Variants in RBFOX3 observed in about 807,000 individuals in gnomAD.
The protein encoded by RBFOX3 is RNA binding protein fox-1 homolog 3.
Under a neutral mutation model 48.7 loss-of-function variants are expected in RBFOX3, and 17 were observed. That is an observed-to-expected ratio of 0.35 (90% CI 0.24 to 0.52). RBFOX3 has a LOEUF of 0.52. RBFOX3 is among the 20% of genes least tolerant of loss of function. The probability of loss-of-function intolerance (pLI) is 0.94; values close to 1 mark genes in which losing one functional copy is unlikely to be tolerated. For synonymous variants in RBFOX3, 212 were observed against 209.5 expected (o/e 1.01, Z -0.10); for missense variants, 382 against 497.5 (o/e 0.77, Z 2.21).
intron 14 of RBFOX3, 122 bp from the exon 15 acceptor site, chr17:79,091,007 C>T: frequency 3.1e-6 from 3 of 965,314 alleles, no homozygotes; most frequent in East Asian, 2.7e-5. Flanking sequence ...CCACACCTGC[C>T]CCCCAGGTTT....
At chr17:79,581,014 G>A (rs963140579) in intron 1 of RBFOX3, among the ~76,000 whole-genome samples, 291 of 152,288 alleles carry the variant, frequency 1.9e-3, no homozygotes, top group African/African-American at 6.6e-3. Context: ...TTGGGAGGCC[G>A]AGGCAGGCAG....
In RBFOX3 at chr17:79,103,360, GGA is replaced by G. The variant is rs937735817; in HGVS notation, c.415-108_415-107del. The G allele has an allele frequency of 1.1e-4, 83 of 764,314 alleles. No homozygotes were observed. Among genetic ancestry groups the G allele is most frequent in the Middle Eastern group, 4.8e-4 (2 of 4,150 alleles). The allele number at this position is 764,314 out of a possible 1,614,324, so 47.3% of individuals were successfully genotyped here. ...GAGTGGGAGGGGGGCAGGGGAGTGG[GGA>G]GAGAGAGAGAAGGGGTTGAGTCAGG... On this transcript the variant is annotated intron_variant, in intron 7 of 14. Transcript: ENST00000693108. This position sits in a 1 kb window ranked among gnomAD's most constrained non-coding sequence, Gnocchi z 6.1.
chr17:79,145,896 A>T (rs1367628017), intron 4 of RBFOX3, among the ~76,000 whole-genome samples: 1 of 151,758 alleles, frequency 6.6e-6, no homozygotes, highest in Non-Finnish European at 1.5e-5. Flanking sequence ...ATGGAAGACA[A>T]TTTTTCCAAA....
At chr17:79,611,367 G>C (rs2145582125), upstream of RBFOX3, among the ~76,000 whole-genome samples, 1 of 151,898 alleles carries the variant, frequency 6.6e-6, no homozygotes, top group South Asian at 2.1e-4. Flanking sequence ...AGCGGGGAGA[G>C]CCATGACCGG....
chr17:79,660,373 T>A, the RBFOX3 span, among the ~76,000 whole-genome samples: 8 of 152,032 alleles, frequency 5.3e-5, no homozygotes, highest in African/African-American at 1.7e-4. Context: ...ACCTACAGAA[T>A]GGGAGAAAAA....
At chr17:79,179,733 T>A (rs2051445653) in intron 4 of RBFOX3, among the ~76,000 whole-genome samples, 1 of 152,220 alleles carries the variant, frequency 6.6e-6, no homozygotes, top group Non-Finnish European at 1.5e-5. Flanking sequence ...GTCCACTGGA[T>A]CCCAGGCCAG....
At chr17:79,410,075 C>G (rs12451898) in intron 2 of RBFOX3, among the ~76,000 whole-genome samples, 60,889 of 152,176 alleles carry the variant, frequency 0.4, 12,367 homozygotes, top group African/African-American at 0.41. Context: ...CACTGCCACT[C>G]TCCACCCTTC....
At chr17:79,468,982 G>A (rs573784732) in intron 2 of RBFOX3, among the ~76,000 whole-genome samples, 8 of 66,840 alleles carry the variant, frequency 1.2e-4, no homozygotes, top group Admixed American at 8.4e-4. Flanking sequence ...ATGGATGGAT[G>A]GATGGATAGC....
At chr17:79,159,389 GCT>G (rs1162708663) in intron 4 of RBFOX3, among the ~76,000 whole-genome samples, 2 of 152,126 alleles carry the variant, frequency 1.3e-5, no homozygotes, top group Non-Finnish European at 2.9e-5. Context: ...CTCTCCAAGA[GCT>G]CTGAGACCAA....
intron 1 of RBFOX3, among the ~76,000 whole-genome samples, chr17:79,521,801 A>T (rs920748504): frequency 4.6e-5 from 7 of 152,274 alleles, no homozygotes; most frequent in Admixed American, 1.3e-4. Context: ...AAAAACACAC[A>T]GTCACACATG....
At chr17:79,619,952 G>A in the RBFOX3 span, among the ~76,000 whole-genome samples, 2 of 152,200 alleles carry the variant, frequency 1.3e-5, no homozygotes, top group African/African-American at 4.8e-5. Context: ...GCTGCTTCCC[G>A]CACCCTGGAG....
chr17:79,437,113 GC>G (rs2069652674), intron 2 of RBFOX3, among the ~76,000 whole-genome samples: 1 of 152,142 alleles, frequency 6.6e-6, no homozygotes. Context: ...TCTGGGGTCT[GC>G]CTTTGAGCCT....
intron 1 of RBFOX3, among the ~76,000 whole-genome samples, chr17:79,591,227 G>A (rs1232299735): frequency 6.6e-6 from 1 of 152,128 alleles, no homozygotes; most frequent in Non-Finnish European, 1.5e-5. Context: ...CCATTGCCAT[G>A]TGTCCCCCCT....
At chr17:79,246,785 G>A (rs1026876452) in intron 3 of RBFOX3, among the ~76,000 whole-genome samples, 85 of 152,154 alleles carry the variant, frequency 5.6e-4, no homozygotes, top group African/African-American at 2.0e-3. Flanking sequence ...CCGAGGACGC[G>A]GCCTCCCAGC....
At chr17:79,179,064 G>C (rs1413622503) in intron 4 of RBFOX3, among the ~76,000 whole-genome samples, 6 of 152,172 alleles carry the variant, frequency 3.9e-5, no homozygotes, top group African/African-American at 1.2e-4. Flanking sequence ...AAGTCAACAG[G>C]GGAAGCATCA....
chr17:79,532,508 T>A (rs2087952379), intron 1 of RBFOX3, among the ~76,000 whole-genome samples: 1 of 152,152 alleles, frequency 6.6e-6, no homozygotes. Flanking sequence ...GTGAGTGGAC[T>A]GGGCAGGGGG....
chr17:79,145,922 G>T (rs531371344), intron 4 of RBFOX3, among the ~76,000 whole-genome samples: 3 of 152,154 alleles, frequency 2.0e-5, no homozygotes, highest in South Asian at 4.1e-4. Flanking sequence ...CCGGGGGCAG[G>T]GGGGTGGTTG....
At chr17:79,256,341 A>G (rs1393566844) in intron 3 of RBFOX3, among the ~76,000 whole-genome samples, 1 of 152,094 alleles carries the variant, frequency 6.6e-6, no homozygotes, top group Non-Finnish European at 1.5e-5. Context: ...AATTAAAAAA[A>G]AATTCCCTAC....
chr17:79,121,233 C>T (rs928776632), intron 4 of RBFOX3, among the ~76,000 whole-genome samples: 20 of 152,096 alleles, frequency 1.3e-4, no homozygotes, highest in African/African-American at 4.8e-4. Flanking sequence ...CACTAGAAAC[C>T]AGCCCTTCTC....
Sources: gnomAD v4.1 joint callset for allele counts (sites outside exome capture counted in the v4.1 genomes callset) on GRCh38, gnomAD v4.1.1 for gene constraint, Gnocchi (gnomAD v3.1) non-coding constraint, MANE v1.5 for transcripts, NCBI Gene and HGNC (gene_info 2026-07-23, HGNC 2026-07-21) for gene names.